The following STK32B variants were observed in gnomAD, a reference collection of about 807,000 sequenced individuals.
The protein encoded by STK32B is serine/threonine kinase 32B.
Under a neutral mutation model 52.6 loss-of-function variants are expected in STK32B, and 43 were observed. The observed-to-expected ratio is 0.82, with a 90% CI of 0.64 to 1.05. The LOEUF is 1.05. Among genes scored for constraint, STK32B ranks in the 50% least tolerant of loss-of-function variants. The probability of loss-of-function intolerance (pLI) is 0.00; values close to 1 mark genes in which losing one functional copy is unlikely to be tolerated. For synonymous variants in STK32B, 238 were observed against 204.3 expected (o/e 1.17, Z -1.41); for missense variants, 621 against 534.6 (o/e 1.16, Z -1.59).
intron 11 of STK32B, among the ~76,000 whole-genome samples, chr4:5,491,229 G>C (rs1020472530): frequency 6.6e-6 from 1 of 152,164 alleles, no homozygotes; most frequent in African/African-American, 2.4e-5. Context: ...ATCCTCTCCA[G>C]CACCTGTTGT....
At chr4:5,020,149 G>GCT in the STK32B span, among the ~76,000 whole-genome samples, 1 of 152,226 alleles carries the variant, frequency 6.6e-6, no homozygotes, top group African/African-American at 2.4e-5. Context: ...CCCCGAGGGA[G>GCT]AGCAGACCCT....
chr4:5,217,456 T>A (rs867507954), intron 3 of STK32B, among the ~76,000 whole-genome samples: 21 of 152,218 alleles, frequency 1.4e-4, no homozygotes, highest in African/African-American at 4.6e-4. Flanking sequence ...GATACAGGAA[T>A]GCCAGTCCCC....
chr4:5,145,251 C>T (rs1205690873), intron 2 of STK32B, among the ~76,000 whole-genome samples: 2 of 152,208 alleles, frequency 1.3e-5, no homozygotes, highest in Non-Finnish European at 2.9e-5. Context: ...TCCTTCTACC[C>T]ACACATCAAT....
rs930186829 is a variant in STK32B at position 5,467,004 on chromosome 4, G to A, written c.1041+170G>A. ...CAAACAAGTAGGGGGAAAGAGTGAA[G>A]TAAGGCATTCACACTCCTGGCATTC... On this transcript the variant is annotated intron_variant, in intron 10 of 11. Transcript: ENST00000282908. This position sits in a 1 kb window ranked among gnomAD's most constrained non-coding sequence, Gnocchi z 5.8. 2.0e-5 allele frequency among the ~76,000 whole-genome samples: 3 copies of A among 152,016 alleles called. No homozygotes were observed. Among genetic ancestry groups the A allele is most frequent in the Non-Finnish European group, 4.4e-5 (3 of 67,988 alleles).
chr4:5,069,589 T>C (rs992987305), intron 1 of STK32B, among the ~76,000 whole-genome samples: 1 of 152,182 alleles, frequency 6.6e-6, no homozygotes, highest in Non-Finnish European at 1.5e-5. Flanking sequence ...AGCTGAGTGA[T>C]CTGAATAAGT....
chr4:5,325,155 C>A (rs933599933), intron 3 of STK32B, among the ~76,000 whole-genome samples: 2 of 152,130 alleles, frequency 1.3e-5, no homozygotes, highest in African/African-American at 4.8e-5. Context: ...TTCAGCCTAC[C>A]TTGAAGCACA....
chr4:5,074,172 A>T (rs1711938511), intron 1 of STK32B, among the ~76,000 whole-genome samples: 1 of 137,936 alleles, frequency 7.2e-6, no homozygotes, highest in African/African-American at 2.7e-5. Context: ...GATTCTGTTC[A>T]TTTGTAAATA....
At chr4:5,456,329 A>G (rs1484285636) in intron 7 of STK32B, among the ~76,000 whole-genome samples, 3 of 152,198 alleles carry the variant, frequency 2.0e-5, no homozygotes, top group Non-Finnish European at 2.9e-5. Flanking sequence ...CCTCAGCCCA[A>G]CCACACCCAG....
At chr4:5,464,734 GCAACTTGC>G (rs1044094070) in intron 9 of STK32B, among the ~76,000 whole-genome samples, 1 of 152,138 alleles carries the variant, frequency 6.6e-6, no homozygotes, top group African/African-American at 2.4e-5. Context: ...GCAAGGTTAG[GCAACTTGC>G]CCAAGATTTC....
At chr4:5,439,443 TG>T (rs1423478930) in intron 6 of STK32B, among the ~76,000 whole-genome samples, 2 of 152,006 alleles carry the variant, frequency 1.3e-5, no homozygotes, top group South Asian at 2.1e-4. Flanking sequence ...CACTTTTTGA[TG>T]GGGTTGTTTG....
In STK32B at chr4:5,486,977, T is replaced by G. The variant is rs183369332; in HGVS notation, c.1107-11968T>G. ...GCAGTGGGCAAAACCAGTCTTAGAA[T>G]TGCAGCAGGTCATTTACTGTATTTC... On this transcript the variant is annotated intron_variant, in intron 11 of 11. Transcript: ENST00000282908. Among the ~76,000 whole-genome samples, 413 of 152,342 alleles carry G rather than the reference T, an allele frequency of 2.7e-3. 2 individuals are homozygous for G. Among genetic ancestry groups the G allele is most frequent in the Admixed American group, 4.3e-3 (66 of 15,300 alleles).
intron 4 of STK32B, among the ~76,000 whole-genome samples, chr4:5,340,426 A>G (rs1232437277): frequency 6.6e-6 from 1 of 152,200 alleles, no homozygotes; most frequent in Non-Finnish European, 1.5e-5. Flanking sequence ...ACTGGGCAGA[A>G]GGGCCCAAAC....
chr4:5,136,000 A>G lies in STK32B; in HGVS notation c.53-3905A>G, dbSNP rs138208993. Among the ~76,000 whole-genome samples the G allele has an allele frequency of 8.8e-3, 1,345 of 152,254 alleles. 7 individuals are homozygous for G. The highest frequency in any genetic ancestry group is 0.027 in the Middle Eastern group (8 of 294). ...CACCTAGAAACTTCTTAGAAATGCA[A>G]ATTCTCTAATGCCTCCTTAGAAATT... On this transcript the variant is annotated intron_variant, in intron 1 of 11. Transcript: ENST00000282908.
chr4:5,211,583 G>A (rs569309412), intron 3 of STK32B, among the ~76,000 whole-genome samples: 1 of 152,232 alleles, frequency 6.6e-6, no homozygotes, highest in East Asian at 1.9e-4. Context: ...AGGGGAGGAG[G>A]GGGGATGGAA....
intron 7 of STK32B, among the ~76,000 whole-genome samples, chr4:5,451,009 T>C (rs1001465): frequency 0.72 from 109,578 of 152,118 alleles, 39,810 homozygotes; most frequent in East Asian, 0.83. Context: ...GTCACTTAAC[T>C]TCATCTGAGC....
At position 5,468,010 on chromosome 4, in the gene STK32B, G is replaced by A; in HGVS notation, c.1046G>A (p.Gly349Glu). The A allele has an allele frequency of 6.2e-7, 1 of 1,614,124 alleles. No homozygotes were observed. The highest frequency in any genetic ancestry group is 8.5e-7 in the Non-Finnish European group (1 of 1,179,988). Reference protein sequence around the residue: ...DGTKDSCPLNGHLQHCLETVR... With the variant: ...DGTKDSCPLNEHLQHCLETVR... ...CCCCTCTGTGCTCTTTGACAGAATG[G>A]ACACCTGCAGCACTGTTTGGAGACT... The change falls in exon 11 of 12, where the codon GGA (glycine) becomes GAA (glutamate). Residue 349 changes from glycine to glutamate, a missense_variant. Coordinates refer to ENST00000282908, the MANE Select transcript of STK32B (RefSeq NM_018401.3).
intron 3 of STK32B, among the ~76,000 whole-genome samples, chr4:5,188,253 A>G (rs1023723153): frequency 4.6e-5 from 7 of 152,194 alleles, no homozygotes; most frequent in Non-Finnish European, 1.0e-4. Flanking sequence ...TCGATGACCG[A>G]GCAATTTTAT....
rs1717543772 is a variant in STK32B, at chr4:5,467,580, T to A, written c.1042-426T>A. Among the ~76,000 whole-genome samples the A allele has an allele frequency of 1.3e-5, 2 of 152,114 alleles. No homozygotes were observed. The highest frequency in any genetic ancestry group is 2.1e-4 in the South Asian group (1 of 4,824). On this transcript the variant is annotated intron_variant, in intron 10 of 11. Transcript: ENST00000282908. The surrounding 1 kb of genome is among the most constrained non-coding windows in gnomAD (Gnocchi z 5.8). ...TTCCAAATAACGTCATGTTTATAAG[T>A]ACTGGGGGGCTGGGACTCAAGATAC...
At chr4:5,349,442 A>G (rs1733687689) in intron 4 of STK32B, among the ~76,000 whole-genome samples, 1 of 152,192 alleles carries the variant, frequency 6.6e-6, no homozygotes, top group Non-Finnish European at 1.5e-5. Context: ...CCAAAGCCAA[A>G]TTTCTCTACA....
Sources: allele counts gnomAD v4.1 joint callset (sites outside exome capture counted in the v4.1 genomes callset), GRCh38; gene constraint gnomAD v4.1.1; non-coding constraint Gnocchi (gnomAD v3.1); transcripts MANE v1.5; gene names NCBI Gene and HGNC (gene_info 2026-07-23, HGNC 2026-07-21).